The following TMEM135 variants were observed in gnomAD, a reference collection of about 807,000 sequenced individuals.
The protein encoded by TMEM135 is transmembrane protein 135.
Under a neutral mutation model 60.3 loss-of-function variants are expected in TMEM135, and 30 were observed. The observed-to-expected ratio is 0.50, with a 90% CI of 0.37 to 0.68. TMEM135 has a LOEUF of 0.68. Among genes scored for constraint, TMEM135 ranks in the 30% least tolerant of loss-of-function variants. The pLI is 0.00. For missense variants in TMEM135, 468 were observed against 548.8 expected (o/e 0.85, Z 1.47); for synonymous variants, 190 against 186.7 (o/e 1.02, Z -0.14).
chr11:87,103,847 G>C (rs2445545), intron 4 of TMEM135, among the ~76,000 whole-genome samples: 83,185 of 151,808 alleles, frequency 0.55, 23,603 homozygotes, highest in East Asian at 0.71. Flanking sequence ...TAGAGATGGG[G>C]TTTCACCATG....
intron 4 of TMEM135, among the ~76,000 whole-genome samples, chr11:87,116,825 G>GT (rs1221854458): frequency 6.6e-6 from 1 of 150,940 alleles, no homozygotes; most frequent in Non-Finnish European, 1.5e-5. Flanking sequence ...AAGCATTATG[G>GT]TTTGTTTTTT....
chr11:87,279,048 C>G (rs1005160059), intron 6 of TMEM135, among the ~76,000 whole-genome samples: 2 of 151,602 alleles, frequency 1.3e-5, no homozygotes, highest in Non-Finnish European at 2.9e-5. Flanking sequence ...TTCTTTATAG[C>G]TGAGCAGTAT....
In TMEM135 at chr11:87,061,511, T is replaced by G. The variant is rs543494031; in HGVS notation, c.142-6183T>G. Among the ~76,000 whole-genome samples, 45 of 152,358 alleles carry G rather than the reference T, an allele frequency of 3.0e-4. 2 individuals carry two copies. The South Asian group carries it at 9.3e-3, about 32-fold the overall frequency. ...ATAGATACAACATAAAATTGACTCT[T>G]ATTTGCAAACTATTTAATTTTCCAA... On this transcript the variant is annotated intron_variant, in intron 1 of 14. Coordinates refer to ENST00000305494, the MANE Select transcript of TMEM135 (RefSeq NM_022918.4).
chr11:87,260,731 G>GT (rs11436074), intron 6 of TMEM135, among the ~76,000 whole-genome samples: 51,669 of 149,994 alleles, frequency 0.34, 9,362 homozygotes, highest in Non-Finnish European at 0.42. Flanking sequence ...AAAAAGAAAG[G>GT]TTTTTTTTTT....
intron 5 of TMEM135, among the ~76,000 whole-genome samples, chr11:87,195,211 T>C (rs1005218107): frequency 6.6e-6 from 1 of 152,042 alleles, no homozygotes; most frequent in African/African-American, 2.4e-5. Flanking sequence ...TGTCTTTCTT[T>C]CCTTCTCCCC....
intron 4 of TMEM135, among the ~76,000 whole-genome samples, chr11:87,155,287 C>A (rs1345398375): frequency 6.6e-6 from 1 of 152,246 alleles, no homozygotes; most frequent in Non-Finnish European, 1.5e-5. Context: ...GCGTGAGCCG[C>A]CATGCCCAGA....
chr11:87,059,188 C>T (rs544207017), intron 1 of TMEM135, among the ~76,000 whole-genome samples: 70 of 152,128 alleles, frequency 4.6e-4, no homozygotes, highest in Non-Finnish European at 6.5e-4. Flanking sequence ...CCACCTGCCT[C>T]GGCCTCCCAA....
intron 4 of TMEM135, among the ~76,000 whole-genome samples, chr11:87,112,253 G>T (rs1857772212): frequency 6.6e-6 from 1 of 152,114 alleles, no homozygotes; most frequent in Non-Finnish European, 1.5e-5. Context: ...TAGAAGGTAA[G>T]CATTACTTGT....
chr11:87,295,690 A>G (rs892644402), intron 6 of TMEM135, 92 bp from the exon 7 acceptor site: 2 of 1,121,984 alleles, frequency 1.8e-6, no homozygotes, highest in African/African-American at 3.2e-5. Context: ...TAAGAGTTTC[A>G]TCTTTTAAAA....
chr11:87,280,871 C>A (rs953318952), intron 6 of TMEM135, among the ~76,000 whole-genome samples: 2 of 152,134 alleles, frequency 1.3e-5, no homozygotes, highest in African/African-American at 4.8e-5. Flanking sequence ...ATGGTCTCAC[C>A]TCTTTTGCTG....
intron 9 of TMEM135, 118 bp from the exon 10 acceptor site, chr11:87,309,387 T>C: frequency 2.0e-6 from 2 of 1,019,446 alleles, no homozygotes; most frequent in Admixed American, 3.7e-5. Context: ...TTTGCTGTGC[T>C]ATAAACTTAG....
intron 6 of TMEM135, among the ~76,000 whole-genome samples, chr11:87,290,850 C>T (rs6592347): frequency 0.63 from 95,853 of 151,982 alleles, 30,498 homozygotes; most frequent in Non-Finnish European, 0.67. Context: ...GACTGACTTA[C>T]AGTATTTATT....
intron 4 of TMEM135, among the ~76,000 whole-genome samples, chr11:87,098,979 T>C (rs1010637104): frequency 6.6e-6 from 1 of 152,086 alleles, no homozygotes; most frequent in African/African-American, 2.4e-5. Flanking sequence ...TGAGCCACCG[T>C]GCCCAGCCAA....
At chr11:87,288,423 G>T (rs924066767) in intron 6 of TMEM135, among the ~76,000 whole-genome samples, 1 of 152,108 alleles carries the variant, frequency 6.6e-6, no homozygotes, top group African/African-American at 2.4e-5. Flanking sequence ...TGATAAGCAA[G>T]TATAATACTC....
rs1163289918 is a variant in TMEM135 at position 87,328,541 on chromosome 11, A to T, written c.*7208A>T. On this transcript the variant is annotated 3_prime_UTR_variant, in exon 15 of 15. Coordinates refer to ENST00000305494, the MANE Select transcript of TMEM135 (RefSeq NM_022918.4). Reference sequence around the variant, plus strand: ...TCCATAGTCCATTATATCACTCTGTATACCCTTGTGTATCCATAGCTTAGC... The same window carrying T: ...TCCATAGTCCATTATATCACTCTGTTTACCCTTGTGTATCCATAGCTTAGC... The T allele has an allele frequency of 2.2e-6, 1 of 453,966 alleles. No homozygotes were observed. Among genetic ancestry groups the T allele is most frequent in the African/African-American group, 2.0e-5 (1 of 49,988 alleles). 28.1% of individuals were successfully genotyped at this position (453,966 alleles called of 1,614,324 possible).
chr11:87,145,466 A>C (rs547823987), intron 4 of TMEM135, among the ~76,000 whole-genome samples: 1 of 152,190 alleles, frequency 6.6e-6, no homozygotes, highest in Non-Finnish European at 1.5e-5. Context: ...TTGCTGGGTC[A>C]TATGGCAGTT....
intron 5 of TMEM135, among the ~76,000 whole-genome samples, chr11:87,219,668 G>A (rs1482110846): frequency 6.6e-6 from 1 of 152,088 alleles, no homozygotes; most frequent in Non-Finnish European, 1.5e-5. Context: ...TTCAAATACA[G>A]GTGCATTGGG....
chr11:87,125,851 C>G (rs541988672), intron 4 of TMEM135, among the ~76,000 whole-genome samples: 1 of 152,250 alleles, frequency 6.6e-6, no homozygotes, highest in African/African-American at 2.4e-5. Flanking sequence ...AAATGTTTTA[C>G]AAAATTCATT....
chr11:87,169,272 CT>C (rs1403499759), intron 5 of TMEM135, among the ~76,000 whole-genome samples: 1 of 147,446 alleles, frequency 6.8e-6, no homozygotes, highest in Admixed American at 6.9e-5. Flanking sequence ...CAGTCTGTGT[CT>C]TTTAATTGGG....
Sources: allele counts gnomAD v4.1 joint callset (sites outside exome capture counted in the v4.1 genomes callset), GRCh38; gene constraint gnomAD v4.1.1; transcripts MANE v1.5; gene names NCBI Gene and HGNC (gene_info 2026-07-23, HGNC 2026-07-21).